Variants in SH3GL1 observed in about 807,000 individuals in gnomAD.
SH3GL1 encodes the protein endophilin-A2.
A neutral mutation model predicts 48.8 loss-of-function variants in SH3GL1; 21 were observed. The observed-to-expected ratio is 0.43, with a 90% CI of 0.30 to 0.62. The LOEUF (loss-of-function observed/expected upper bound fraction) is 0.62. Among genes scored for constraint, SH3GL1 ranks in the 20% least tolerant of loss-of-function variants. SH3GL1 has a pLI of 0.11. For synonymous variants in SH3GL1, 282 were observed against 217.5 expected (o/e 1.30, Z -2.61); for missense variants, 454 against 503.0 (o/e 0.90, Z 0.93).
In SH3GL1 at chr19:4,366,839, A is replaced by G. The variant is rs370823512; in HGVS notation, c.114+87T>C. The G allele has an allele frequency of 1.1e-4, 153 of 1,363,550 alleles. No individual in the cohort carries two copies. The Middle Eastern group carries it at 1.7e-3, about 15-fold the overall frequency. 84.5% of individuals were successfully genotyped at this position (1,363,550 alleles called of 1,614,324 possible). ...GCCCCATCACTCCAGACCCAGGCCC[A>G]TCAAGGTTGGCCGCCTCCACTATGC... On this transcript the variant is annotated intron_variant, in intron 2 of 9. Coordinates refer to ENST00000269886, the MANE Select transcript of SH3GL1 (RefSeq NM_003025.4).
In SH3GL1 at chr19:4,363,405, C is replaced by T; in HGVS notation, c.693G>A (p.Gln231=). ...AQLDYHRQAV[Q]ILDELAEKLK... is the part of the protein sequence containing the mutation. ...GCTTCTCCGCCAGCTCGTCCAGGAT[C>T]TGCACGGCCTGCCGGTGGTAGTCCA... Residue 231 remains glutamine (Q), a synonymous_variant, in exon 7 of 10, where the codon CAG becomes CAA. Transcript: ENST00000269886. 1 of 1,611,444 alleles carries T rather than the reference C, an allele frequency of 6.2e-7. No homozygotes were observed. The highest frequency in any genetic ancestry group is 8.5e-7 in the Non-Finnish European group (1 of 1,179,152).
chr19:4,371,970 G>A (rs1340018147), intron 1 of SH3GL1, among the ~76,000 whole-genome samples: 1 of 152,216 alleles, frequency 6.6e-6, no homozygotes, highest in Non-Finnish European at 1.5e-5. Context: ...CCTGTGACAA[G>A]GCCTCATCTT....
intron 1 of SH3GL1, among the ~76,000 whole-genome samples, chr19:4,373,685 G>C (rs1972947922): frequency 6.6e-6 from 1 of 152,136 alleles, no homozygotes; most frequent in Non-Finnish European, 1.5e-5. Flanking sequence ...CAGTCCCTTG[G>C]GCCTGGGCTG....
chr19:4,365,351 G>A (rs1409068507), intron 4 of SH3GL1, 131 bp downstream of exon 4: 6 of 1,257,302 alleles, frequency 4.8e-6, no homozygotes, highest in Non-Finnish European at 6.9e-6. Context: ...CTGCACCTCT[G>A]CAGCTGGAAA....
In SH3GL1 at chr19:4,400,033, C is replaced by T. The variant is rs1471037769; in HGVS notation, c.45+291G>A. On this transcript the variant is annotated intron_variant, in intron 1 of 9. Transcript: ENST00000269886. This position sits in a 1 kb window ranked among gnomAD's most constrained non-coding sequence, Gnocchi z 4.1. Reference sequence around the variant, plus strand: ...CTCTTCCCCTTCTCTCCCCGCACCCCGCCTTTGCAGCGGAGAGAAGGAGGG... The same window carrying T: ...CTCTTCCCCTTCTCTCCCCGCACCCTGCCTTTGCAGCGGAGAGAAGGAGGG... Among the ~76,000 whole-genome samples the T allele has an allele frequency of 6.6e-6, 1 of 152,186 alleles. No individual in the cohort carries two copies. Among genetic ancestry groups the T allele is most frequent in the Non-Finnish European group, 1.5e-5 (1 of 68,016 alleles).
rs991043912 is a variant in SH3GL1, at chr19:4,360,596, G to A, written c.*1004C>T. Reference sequence around the variant, plus strand: ...GGCCCAGAGAACTCCCCATTTCATCGATTTTGCATTGGGCGATAGAGGAAG... The same window carrying A: ...GGCCCAGAGAACTCCCCATTTCATCAATTTTGCATTGGGCGATAGAGGAAG... On this transcript the variant is annotated 3_prime_UTR_variant, in exon 10 of 10. Coordinates refer to ENST00000269886, the MANE Select transcript of SH3GL1 (RefSeq NM_003025.4). The A allele has an allele frequency of 2.6e-5, 6 of 232,908 alleles. No individual in the cohort carries two copies. Among genetic ancestry groups the A allele is most frequent in the African/African-American group, 6.6e-5 (3 of 45,294 alleles). The allele number at this position is 232,908 out of a possible 1,614,324, so 14.4% of individuals were successfully genotyped here. A position where few individuals can be genotyped will look rare whatever the true frequency, so the allele number is the denominator to read the frequency against.
At chr19:4,381,686 C>T (rs1375341909) in intron 1 of SH3GL1, among the ~76,000 whole-genome samples, 1 of 98,650 alleles carries the variant, frequency 1.0e-5, no homozygotes, top group Non-Finnish European at 2.0e-5. Context: ...ACCCCCCACA[C>T]GCCTTTTTTT....
intron 1 of SH3GL1, among the ~76,000 whole-genome samples, chr19:4,399,835 G>T (rs990529217): frequency 1.6e-3 from 246 of 152,232 alleles, no homozygotes; most frequent in Non-Finnish European, 1.0e-3. Context: ...TGTCTCTGGG[G>T]AGAAGGGCTG....
At chr19:4,385,086 G>A (rs1245635941) in intron 1 of SH3GL1, among the ~76,000 whole-genome samples, 7 of 141,808 alleles carry the variant, frequency 4.9e-5, no homozygotes, top group African/African-American at 1.6e-4. Context: ...CCTGGGTGAC[G>A]AGAGACTCCA....
At chr19:4,396,478 T>A (rs1044533069) in intron 1 of SH3GL1, among the ~76,000 whole-genome samples, 8 of 152,102 alleles carry the variant, frequency 5.3e-5, no homozygotes, top group African/African-American at 1.7e-4. Context: ...TTTGTTTTAT[T>A]TTATATTTTA....
At chr19:4,386,117 C>T (rs1191428801) in intron 1 of SH3GL1, among the ~76,000 whole-genome samples, 1 of 152,222 alleles carries the variant, frequency 6.6e-6, no homozygotes, top group Non-Finnish European at 1.5e-5. Context: ...CTGGGCTGCC[C>T]TCTTCTGAGC....
intron 1 of SH3GL1, among the ~76,000 whole-genome samples, chr19:4,384,234 C>T (rs1185995100): frequency 1.3e-5 from 2 of 152,182 alleles, no homozygotes; most frequent in African/African-American, 4.8e-5. Context: ...GAGCTGATGG[C>T]GCAGGAGCCC....
At chr19:4,363,577 CA>C in intron 6 of SH3GL1, 104 bp from the exon 7 acceptor site, 1 of 1,450,454 alleles carries the variant, frequency 6.9e-7, no homozygotes, top group Non-Finnish European at 9.7e-7. Context: ...TGAGAGGGGA[CA>C]GGGGACTGGG....
intron 1 of SH3GL1, among the ~76,000 whole-genome samples, chr19:4,375,220 C>A (rs1206739174): frequency 6.6e-6 from 1 of 151,950 alleles, no homozygotes; most frequent in Non-Finnish European, 1.5e-5. Context: ...CAGAGCCAGC[C>A]GGGCCCTCCA....
In SH3GL1 at chr19:4,389,569, C is replaced by T. The variant is rs575023247; in HGVS notation, c.45+10755G>A. On this transcript the variant is annotated intron_variant, in intron 1 of 9. Coordinates refer to ENST00000269886, the MANE Select transcript of SH3GL1 (RefSeq NM_003025.4). The surrounding 1 kb of genome is among the most constrained non-coding windows in gnomAD (Gnocchi z 4.5). ...CCAAGGCAGGGGCTCCAGAAGCTCC[C>T]GAAATTCGGCTGAGAGCTTGAACTG... is the stretch of plus-strand genomic sequence containing the variant. Among the ~76,000 whole-genome samples, 29 of 152,212 alleles carry T rather than the reference C, an allele frequency of 1.9e-4. No individual in the cohort carries two copies. Among genetic ancestry groups the T allele is most frequent in the East Asian group, 1.4e-3 (7 of 5,174 alleles).
intron 1 of SH3GL1, among the ~76,000 whole-genome samples, chr19:4,379,191 A>G (rs1054511391): frequency 5.3e-5 from 8 of 152,164 alleles, no homozygotes; most frequent in Non-Finnish European, 1.2e-4. Context: ...TTGGTGGCTC[A>G]TGCCTGTAAT....
At chr19:4,370,522 CCCACTCTCCCACAGGGCCCCACCT>C (rs1972877614) in intron 1 of SH3GL1, among the ~76,000 whole-genome samples, 1 of 152,194 alleles carries the variant, frequency 6.6e-6, no homozygotes, top group African/African-American at 2.4e-5. Context: ...GGGCCCCCTC[CCCACTCTCCCACAGGGCCCCACCT>C]GGACGGGGTC....
At chr19:4,377,867 C>T (rs551218621) in intron 1 of SH3GL1, among the ~76,000 whole-genome samples, 25 of 152,350 alleles carry the variant, frequency 1.6e-4, no homozygotes, top group African/African-American at 5.5e-4. Context: ...TCCCCTGCAG[C>T]GAGAAGACTG....
At chr19:4,399,651 A>T (rs1281209499) in intron 1 of SH3GL1, among the ~76,000 whole-genome samples, 1 of 69,666 alleles carries the variant, frequency 1.4e-5, no homozygotes, top group South Asian at 5.1e-4. Context: ...ATCCAGCCCC[A>T]GATGTCAACA....
Sources: gnomAD v4.1 joint callset for allele counts (sites outside exome capture counted in the v4.1 genomes callset) on GRCh38, gnomAD v4.1.1 for gene constraint, Gnocchi (gnomAD v3.1) non-coding constraint, MANE v1.5 for transcripts, NCBI Gene and HGNC (gene_info 2026-07-23, HGNC 2026-07-21) for gene names.